Variants in CRTC3 observed in about 807,000 individuals in gnomAD.
The protein encoded by CRTC3 is CREB regulated transcription coactivator 3, also known as CREB-regulated transcription coactivator 3.
Under a neutral mutation model 74.5 loss-of-function variants are expected in CRTC3, and 26 were observed. That is an observed-to-expected ratio of 0.35 (90% CI 0.26 to 0.48). CRTC3 has a LOEUF of 0.48. Among genes scored for constraint, CRTC3 ranks in the 20% least tolerant of loss-of-function variants. The pLI is 0.99. For missense variants in CRTC3, 760 were observed against 787.3 expected (o/e 0.97, Z 0.41); for synonymous variants, 377 against 325.8 (o/e 1.16, Z -1.69).
intron 2 of CRTC3, among the ~76,000 whole-genome samples, chr15:90,578,561 AAAG>A (rs1318135952): frequency 2.0e-5 from 3 of 152,150 alleles, no homozygotes; most frequent in East Asian, 1.9e-4. Context: ...CTCAAAAAAA[AAAG>A]AAGGTAAAGA....
chr15:90,551,323 C>G (rs1847783248), intron 2 of CRTC3, among the ~76,000 whole-genome samples: 1 of 77,328 alleles, frequency 1.3e-5, no homozygotes. Flanking sequence ...TTATCACTTT[C>G]TACCTCTTTT....
At chr15:90,560,544 C>A (rs1297619080) in intron 2 of CRTC3, among the ~76,000 whole-genome samples, 1 of 152,220 alleles carries the variant, frequency 6.6e-6, no homozygotes, top group East Asian at 1.9e-4. Flanking sequence ...TTCAGATATC[C>A]CCTGTGGGGT....
chr15:90,582,486 TA>T (rs762857079), intron 2 of CRTC3, among the ~76,000 whole-genome samples: 3 of 152,244 alleles, frequency 2.0e-5, no homozygotes, highest in Non-Finnish European at 4.4e-5. Context: ...AGCTCCCATA[TA>T]GCCCTCACCA....
At chr15:90,632,333 T>C (rs1325717642) in intron 11 of CRTC3, among the ~76,000 whole-genome samples, 2 of 152,190 alleles carry the variant, frequency 1.3e-5, no homozygotes, top group Admixed American at 1.3e-4. Context: ...ACAGTTGTTC[T>C]GACTGTAATC....
At chr15:90,531,878 A>C (rs937755948) in intron 1 of CRTC3, among the ~76,000 whole-genome samples, 1 of 152,166 alleles carries the variant, frequency 6.6e-6, no homozygotes, top group African/African-American at 2.4e-5. Flanking sequence ...TATCCCTGAC[A>C]GGTGAGGCCA....
At chr15:90,578,830 T>G (rs1160345934) in intron 2 of CRTC3, among the ~76,000 whole-genome samples, 1 of 152,166 alleles carries the variant, frequency 6.6e-6, no homozygotes, top group East Asian at 1.9e-4. Context: ...TTAAATAACG[T>G]GATGTAAACT....
At chr15:90,541,801 T>G (rs1966807260) in intron 2 of CRTC3, among the ~76,000 whole-genome samples, 1 of 149,616 alleles carries the variant, frequency 6.7e-6, no homozygotes, top group East Asian at 1.9e-4. Context: ...TTTTTTTTTT[T>G]TTGAGATGGA....
Position 90,642,106 on chromosome 15 carries a change from C to T in CRTC3, c.1826C>T (p.Ser609Phe). ...SDSSMGLLDP[S>F]VEETFRADRL The stretch of plus-strand genomic sequence containing the variant: ...TCCAGCATGGGCCTGCTGGACCCCT[C>T]TGTTGAAGAGACGTTTCGAGCTGAC... Residue 609 changes from serine (S) to phenylalanine (F), a missense_variant, in exon 15 of 15, where the codon TCT (serine) becomes TTT (phenylalanine). This residue lies in a region of CRTC3 where 652 missense variants were observed against 635.2 expected (regional missense o/e 1.03). Coordinates refer to ENST00000268184, the MANE Select transcript of CRTC3 (RefSeq NM_022769.5). 1.2e-6 allele frequency: 2 copies of T among 1,614,080 alleles called. No homozygotes were observed. Among genetic ancestry groups the T allele is most frequent in the Non-Finnish European group, 8.5e-7 (1 of 1,180,034 alleles).
intron 9 of CRTC3, among the ~76,000 whole-genome samples, chr15:90,622,038 G>T (rs1004559873): frequency 1.3e-5 from 2 of 152,192 alleles, no homozygotes; most frequent in Non-Finnish European, 2.9e-5. Context: ...GCAGCCACCA[G>T]CGGGCGTTGA....
intron 7 of CRTC3, among the ~76,000 whole-genome samples, chr15:90,616,179 G>A (rs1256040931): frequency 6.6e-6 from 1 of 152,194 alleles, no homozygotes; most frequent in Admixed American, 6.5e-5. Context: ...TCAAAAGAGA[G>A]TGATGTAAAT....
intron 1 of CRTC3, among the ~76,000 whole-genome samples, chr15:90,534,917 T>C (rs973208639): frequency 1.3e-5 from 2 of 152,130 alleles, no homozygotes; most frequent in African/African-American, 2.4e-5. Flanking sequence ...CCCAGCACTT[T>C]GGGAGACCAA....
chr15:90,628,353 C>T (rs1968916322), intron 10 of CRTC3, among the ~76,000 whole-genome samples: 1 of 152,150 alleles, frequency 6.6e-6, no homozygotes, highest in Admixed American at 6.5e-5. Context: ...TCTGCTTACC[C>T]CACCTGCTGG....
At chr15:90,621,258 A>G (rs1371977020) in intron 9 of CRTC3, among the ~76,000 whole-genome samples, 1 of 152,230 alleles carries the variant, frequency 6.6e-6, no homozygotes, top group African/African-American at 2.4e-5. Context: ...CTAACATTAT[A>G]GAATTGGGCT....
intron 2 of CRTC3, among the ~76,000 whole-genome samples, chr15:90,572,242 T>C (rs1031139977): frequency 6.6e-6 from 1 of 151,910 alleles, no homozygotes; most frequent in Non-Finnish European, 1.5e-5. Context: ...ATATATTCTT[T>C]CTAATGACAG....
chr15:90,628,428 C>T (rs1003158974), intron 10 of CRTC3, among the ~76,000 whole-genome samples: 1 of 152,170 alleles, frequency 6.6e-6, no homozygotes, highest in Non-Finnish European at 1.5e-5. Flanking sequence ...ACAGCAGCAG[C>T]AGCCGAATAA....
chr15:90,639,252 C>T (rs146592550), intron 13 of CRTC3, among the ~76,000 whole-genome samples: 110 of 152,178 alleles, frequency 7.2e-4, no homozygotes, highest in Admixed American at 1.3e-3. Context: ...GGGGAGAGCT[C>T]AGTCCTGGGG....
chr15:90,542,336 G>A (rs927178323), intron 2 of CRTC3, among the ~76,000 whole-genome samples: 1 of 151,786 alleles, frequency 6.6e-6, no homozygotes, highest in African/African-American at 2.4e-5. Context: ...GCGTCACCAC[G>A]CCTGGCTAAT....
intron 2 of CRTC3, among the ~76,000 whole-genome samples, chr15:90,566,077 C>T (rs2151067705): frequency 6.6e-6 from 1 of 152,306 alleles, no homozygotes; most frequent in East Asian, 1.9e-4. Context: ...CTTATTTGCT[C>T]ATAAGGAGAA....
chr15:90,578,829 G>A (rs1357525817), intron 2 of CRTC3, among the ~76,000 whole-genome samples: 3 of 152,084 alleles, frequency 2.0e-5, no homozygotes, highest in Admixed American at 6.6e-5. Context: ...TTTAAATAAC[G>A]TGATGTAAAC....
Sources: allele counts gnomAD v4.1 joint callset (sites outside exome capture counted in the v4.1 genomes callset), GRCh38; gene constraint gnomAD v4.1.1; regional missense constraint gnomAD v4.1.1; transcripts MANE v1.5; gene names NCBI Gene and HGNC (gene_info 2026-07-23, HGNC 2026-07-21).